The following SLC2A13 variants were observed in gnomAD, a reference collection of about 807,000 sequenced individuals.
SLC2A13 encodes the protein solute carrier family 2 member 13, also known as proton myo-inositol cotransporter.
SLC2A13 carries 32 observed loss-of-function variants against 64.4 expected under a neutral mutation model. That is an observed-to-expected ratio of 0.50 (90% CI 0.37 to 0.67). SLC2A13 has a LOEUF of 0.67. Among genes scored for constraint, SLC2A13 ranks in the 30% least tolerant of loss-of-function variants. The pLI is 0.00. For missense variants in SLC2A13, 743 were observed against 829.2 expected, an observed-to-expected ratio of 0.90 and a Z score of 1.28; for synonymous variants, 338 against 327.1, an observed-to-expected ratio of 1.03 and a Z score of -0.36.
intron 3 of SLC2A13, among the ~76,000 whole-genome samples, chr12:39,969,233 TA>T (rs1946595705): frequency 6.6e-6 from 1 of 152,270 alleles, no homozygotes; most frequent in Non-Finnish European, 1.5e-5. Flanking sequence ...AAGTCTTTGC[TA>T]TTGTGAGTAG....
At chr12:39,775,464 G>A (rs1043810747) in intron 7 of SLC2A13, among the ~76,000 whole-genome samples, 2 of 152,210 alleles carry the variant, frequency 1.3e-5, no homozygotes, top group East Asian at 1.9e-4. Context: ...AACAGGCTAC[G>A]GGCTCAGAGG....
At chr12:40,007,408 T>C (rs1438525673) in intron 3 of SLC2A13, among the ~76,000 whole-genome samples, 1 of 152,176 alleles carries the variant, frequency 6.6e-6, no homozygotes, top group African/African-American at 2.4e-5. Flanking sequence ...ATAAGTTCTT[T>C]TTTGCTATCC....
intron 7 of SLC2A13, among the ~76,000 whole-genome samples, chr12:39,793,973 G>A (rs867092852): frequency 2.2e-4 from 33 of 151,820 alleles, no homozygotes; most frequent in African/African-American, 7.7e-4. Flanking sequence ...CCAAGAAGAG[G>A]GATGTGGAGA....
At chr12:40,069,877 C>T (rs1937885978) in intron 1 of SLC2A13, among the ~76,000 whole-genome samples, 2 of 152,034 alleles carry the variant, frequency 1.3e-5, no homozygotes, top group South Asian at 4.1e-4. Context: ...TAACTTTTTG[C>T]TGCTCATTAT....
intron 7 of SLC2A13, among the ~76,000 whole-genome samples, chr12:39,822,928 A>G (rs923342466): frequency 1.3e-5 from 2 of 152,196 alleles, no homozygotes; most frequent in African/African-American, 4.8e-5. Flanking sequence ...GAGGGAGATA[A>G]ATTACTCAGA....
At chr12:39,971,415 C>T (rs1946644123) in intron 3 of SLC2A13, among the ~76,000 whole-genome samples, 1 of 152,092 alleles carries the variant, frequency 6.6e-6, no homozygotes, top group Admixed American at 6.6e-5. Flanking sequence ...CTATTAAGGT[C>T]TAACATTAGA....
chr12:39,829,985 T>C (rs752529856), intron 7 of SLC2A13, 118 bp downstream of exon 7: 2 of 1,230,540 alleles, frequency 1.6e-6, no homozygotes, highest in South Asian at 1.3e-5. Flanking sequence ...TGCAAAGTAA[T>C]GTAGTTATGA....
intron 7 of SLC2A13, among the ~76,000 whole-genome samples, chr12:39,821,140 G>T (rs1566828862): frequency 6.6e-6 from 1 of 151,740 alleles, no homozygotes; most frequent in Non-Finnish European, 1.5e-5. Flanking sequence ...AAAATTTTTC[G>T]CAGTGGCTCA....
At position 39,771,633 on chromosome 12, in the gene SLC2A13, C is replaced by G. The variant is rs574287811; in HGVS notation, c.1446-6775G>C. On this transcript the variant is annotated intron_variant, in intron 7 of 9. Transcript: ENST00000280871. Reference sequence around the variant, plus strand: ...CTAAGCTATGCCTGCATTCCTGACCCACAGGAAGTGCTATATTATTAATGT... The same window carrying G: ...CTAAGCTATGCCTGCATTCCTGACCGACAGGAAGTGCTATATTATTAATGT... 2.0e-5 allele frequency among the ~76,000 whole-genome samples: 3 copies of G among 152,224 alleles called. No individual in the cohort carries two copies. In the East Asian group the frequency reaches 5.8e-4, roughly 29 times the overall value.
At position 39,963,286 on chromosome 12, in the gene SLC2A13, C is replaced by CAAAA. The variant is rs71434304; in HGVS notation, c.926-11925_926-11922dup. On this transcript the variant is annotated intron_variant, in intron 3 of 9. Coordinates refer to ENST00000280871, the MANE Select transcript of SLC2A13 (RefSeq NM_052885.4). ...TGGGCGACAGAGCGAGACTCCGTCT[C>CAAAA]AAAAAAAAAAAAAAAAAAATAGCCA... 4.2e-4 allele frequency among the ~76,000 whole-genome samples: 47 copies of CAAAA among 112,678 alleles called. 1 individual carries two copies. Among genetic ancestry groups the CAAAA allele is most frequent in the East Asian group, 7.4e-4 (3 of 4,034 alleles). 73.9% of individuals were successfully genotyped at this position (112,678 alleles called of 152,430 possible).
At chr12:39,972,893 C>G (rs28370621) in intron 3 of SLC2A13, among the ~76,000 whole-genome samples, 2 of 151,982 alleles carry the variant, frequency 1.3e-5, no homozygotes, top group Non-Finnish European at 2.9e-5. Flanking sequence ...CATGGAGAAA[C>G]CCCGTCTCTA....
At chr12:40,020,416 G>A (rs1481868155) in intron 3 of SLC2A13, among the ~76,000 whole-genome samples, 1 of 152,092 alleles carries the variant, frequency 6.6e-6, no homozygotes, top group African/African-American at 2.4e-5. Flanking sequence ...TCTCTCCTGC[G>A]GCCATGTGAG....
chr12:39,932,660 G>A (rs1945847862), intron 4 of SLC2A13, among the ~76,000 whole-genome samples: 1 of 152,154 alleles, frequency 6.6e-6, no homozygotes, highest in Non-Finnish European at 1.5e-5. Flanking sequence ...GAAAAAGGTG[G>A]CTGTTCCAAA....
intron 4 of SLC2A13, among the ~76,000 whole-genome samples, chr12:39,898,899 A>C (rs540825234): frequency 6.6e-6 from 1 of 152,346 alleles, no homozygotes; most frequent in East Asian, 1.9e-4. Flanking sequence ...AAATGGAAGA[A>C]AAAGGAAAGG....
intron 4 of SLC2A13, among the ~76,000 whole-genome samples, chr12:39,896,934 G>A (rs1944938059): frequency 6.6e-6 from 1 of 152,144 alleles, no homozygotes; most frequent in South Asian, 2.1e-4. Context: ...AGAGAATGAA[G>A]TAGAAATGTA....
At chr12:39,947,658 CTTTT>C (rs35298500) in intron 4 of SLC2A13, among the ~76,000 whole-genome samples, 5 of 122,232 alleles carry the variant, frequency 4.1e-5, no homozygotes, top group South Asian at 2.7e-4. Context: ...GTGAGAATTT[CTTTT>C]TTTTTTTTTT....
At chr12:39,859,486 C>A (rs1030280005) in intron 6 of SLC2A13, among the ~76,000 whole-genome samples, 111 of 152,022 alleles carry the variant, frequency 7.3e-4, no homozygotes, top group Non-Finnish European at 2.8e-4. Flanking sequence ...AGTACCTCTG[C>A]AGATGACCCT....
chr12:39,938,586 A>C (rs1945962355), intron 4 of SLC2A13, among the ~76,000 whole-genome samples: 1 of 152,126 alleles, frequency 6.6e-6, no homozygotes, highest in Admixed American at 6.6e-5. Context: ...ACAAAGAAAA[A>C]AGGATAATAA....
intron 1 of SLC2A13, among the ~76,000 whole-genome samples, chr12:40,080,735 C>T (rs1938365123): frequency 6.6e-6 from 1 of 152,170 alleles, no homozygotes; most frequent in Admixed American, 6.5e-5. Flanking sequence ...AAGATTTGAT[C>T]CTGTCAACAT....
Sources: allele counts gnomAD v4.1 joint callset (sites outside exome capture counted in the v4.1 genomes callset), GRCh38; gene constraint gnomAD v4.1.1; transcripts MANE v1.5; gene names NCBI Gene and HGNC (gene_info 2026-07-23, HGNC 2026-07-21).